MET: variants seen among roughly 807,000 people sequenced by gnomAD.
The protein encoded by MET is hepatocyte growth factor receptor.
In MET, 48 loss-of-function variants were observed where a neutral mutation model predicts 133.1. That is an observed-to-expected ratio of 0.36 (90% CI 0.29 to 0.46). MET has a LOEUF of 0.46. Ranked by LOEUF, MET falls within the 20% of genes least tolerant of loss-of-function variation. The pLI is 1.00. For missense variants in MET, 1,442 were observed against 1,695.9 expected (o/e 0.85, Z 2.63); for synonymous variants, 628 against 616.5 (o/e 1.02, Z -0.28).
rs183375652 is a variant in MET at position 116,741,735 on chromosome 7, A to G, written c.1701+710A>G. Reference sequence around the variant, plus strand: ...TCAACGGATGACTATACTAACATCTATACTTCTGTAAGCCATGCCACTCTT... The same window carrying G: ...TCAACGGATGACTATACTAACATCTGTACTTCTGTAAGCCATGCCACTCTT... On this transcript the variant is annotated intron_variant, in intron 5 of 20. Coordinates refer to ENST00000397752, the MANE Select transcript of MET (RefSeq NM_000245.4). 5.8e-4 allele frequency among the ~76,000 whole-genome samples: 89 copies of G among 152,358 alleles called. 1 individual carries two copies. Among genetic ancestry groups the G allele is most frequent in the African/African-American group, 2.0e-3 (84 of 41,590 alleles).
chr7:116,729,430 G>A (rs1469858336), intron 2 of MET, among the ~76,000 whole-genome samples: 2 of 152,130 alleles, frequency 1.3e-5, no homozygotes, highest in Non-Finnish European at 2.9e-5. Context: ...ATTGCATGTG[G>A]CAGACATTTG....
chr7:116,773,636 G>T (rs1036077780), intron 14 of MET, among the ~76,000 whole-genome samples: 1 of 152,132 alleles, frequency 6.6e-6, no homozygotes, highest in Non-Finnish European at 1.5e-5. Context: ...ACCCAGCTAG[G>T]CTCCTTCCTT....
intron 2 of MET, among the ~76,000 whole-genome samples, chr7:116,724,439 C>T (rs926437293): frequency 6.6e-6 from 1 of 152,260 alleles, no homozygotes; most frequent in Non-Finnish European, 1.5e-5. Flanking sequence ...CTGCGTCGCT[C>T]ACGCTGGGAG....
rs1355820389 is a variant in MET, at chr7:116,774,867, C to T, written c.3029-14C>T. On this transcript the variant is annotated splice_polypyrimidine_tract_variant and intron_variant, in intron 14 of 20. Transcript: ENST00000397752. ...TTTACTGTTGTTCTTTAATAATTTT[C>T]CTTCATCTTACAGATCAGTTTCCTA... 4 of 1,604,286 alleles carry T rather than the reference C, an allele frequency of 2.5e-6. No homozygotes were observed. In the South Asian group the frequency reaches 3.3e-5, roughly 13 times the overall value.
chr7:116,795,979 C>G lies in MET; in HGVS notation c.4028C>G (p.Thr1343Ser), dbSNP rs1795659339. ...LVSRISAIFSTFIGEHYVHVN... is the reference protein window; with the variant it reads ...LVSRISAIFSSFIGEHYVHVN... Reference sequence around the variant, plus strand: ...TCCCGGATATCAGCGATCTTCTCTACTTTCATTGGGGAGCACTATGTCCAT... The same window carrying G: ...TCCCGGATATCAGCGATCTTCTCTAGTTTCATTGGGGAGCACTATGTCCAT... The change falls in exon 21 of 21, where the codon ACT becomes AGT. Residue 1343 changes from threonine (T) to serine (S), a missense_variant. Thr to Ser is a moderately conservative substitution (Grantham distance 58, BLOSUM62 1). Around this residue, in one of 6 missense-constraint regions of MET, gnomAD observed 94 missense variants for 109.5 expected, o/e 0.86. Transcript: ENST00000397752. The G allele has an allele frequency of 6.2e-7, 1 of 1,614,166 alleles. No homozygotes were observed. The highest frequency in any genetic ancestry group is 8.5e-7 in the Non-Finnish European group (1 of 1,180,006).
At chr7:116,688,756 A>G (rs753291080) in intron 1 of MET, among the ~76,000 whole-genome samples, 2 of 152,210 alleles carry the variant, frequency 1.3e-5, no homozygotes, top group African/African-American at 4.8e-5. Context: ...TCAGAGTTGG[A>G]TAATAGTCTC....
At chr7:116,765,587 C>T (rs1455609129) in intron 11 of MET, among the ~76,000 whole-genome samples, 3 of 152,054 alleles carry the variant, frequency 2.0e-5, no homozygotes, top group African/African-American at 7.2e-5. Flanking sequence ...GAATCCTAAG[C>T]CCCATGGATG....
rs886061951 is a variant in MET at position 116,798,175 on chromosome 7, C to T, written c.*2051C>T. 6.1e-5 allele frequency: 13 copies of T among 214,374 alleles called. No homozygotes were observed. The highest frequency in any genetic ancestry group is 4.7e-5 in the Non-Finnish European group (5 of 105,870). 13.3% of individuals were successfully genotyped at this position (214,374 alleles called of 1,614,324 possible). On this transcript the variant is annotated 3_prime_UTR_variant, in exon 21 of 21. Transcript: ENST00000397752. ...AGGACTACACACTTGTATATACATTCTTGAGAACACTGCAATGTGAAAATC... is the reference window on the plus strand; with the variant it reads ...AGGACTACACACTTGTATATACATTTTTGAGAACACTGCAATGTGAAAATC...
intron 11 of MET, among the ~76,000 whole-genome samples, chr7:116,765,231 C>T (rs1170081826): frequency 1.6e-5 from 2 of 124,720 alleles, no homozygotes; most frequent in African/African-American, 3.1e-5. Flanking sequence ...GTCCTGAAGG[C>T]GGAGGTTGCA....
intron 5 of MET, among the ~76,000 whole-genome samples, chr7:116,746,430 G>C (rs1343588073): frequency 6.6e-6 from 1 of 152,166 alleles, no homozygotes; most frequent in Non-Finnish European, 1.5e-5. Flanking sequence ...CCATTACTGG[G>C]TATATACCCA....
In MET at chr7:116,699,774, G is replaced by T. The variant is rs200138253; in HGVS notation, c.690G>T (p.Thr230=). The change falls in exon 2 of 21, where the codon ACG becomes ACT. Residue 230 remains threonine (T), a synonymous_variant. Transcript: ENST00000397752. ...KETKDGFMFL[T]DQSYIDVLPE... ...CGAAAGATGGTTTTATGTTTTTGAC[G>T]GACCAGTCCTACATTGATGTTTTAC... 1 of 1,613,894 alleles carries T rather than the reference G, an allele frequency of 6.2e-7. No homozygotes were observed. The highest frequency in any genetic ancestry group is 1.3e-5 in the African/African-American group (1 of 74,882).
chr7:116,702,770 T>C (rs987747265), intron 2 of MET, among the ~76,000 whole-genome samples: 4 of 152,188 alleles, frequency 2.6e-5, no homozygotes, highest in Non-Finnish European at 5.9e-5. Flanking sequence ...TTTCTACTTA[T>C]GCTTCTGCCC....
intron 5 of MET, among the ~76,000 whole-genome samples, chr7:116,742,033 C>T (rs1007544555): frequency 7.9e-5 from 12 of 152,160 alleles, no homozygotes; most frequent in African/African-American, 2.2e-4. Context: ...CTGGTGAGAA[C>T]CCAGTGTGTA....
At position 116,763,298 on chromosome 7, in the gene MET, T is replaced by A. The variant is rs969188845; in HGVS notation, c.2583+30T>A. On this transcript the variant is annotated intron_variant, in intron 11 of 20. Transcript: ENST00000397752. Reference sequence around the variant, plus strand: ...GAAATGCTTTAAACACTGTCTTAAATCATCAGCTCAAACTTAATTGACTTC... The same window carrying A: ...GAAATGCTTTAAACACTGTCTTAAAACATCAGCTCAAACTTAATTGACTTC... 6 of 1,584,892 alleles carry A rather than the reference T, an allele frequency of 3.8e-6. No individual in the cohort carries two copies. The African/African-American group carries it at 8.1e-5, about 21-fold the overall frequency.
chr7:116,713,568 A>T (rs1444710732), intron 2 of MET, among the ~76,000 whole-genome samples: 2 of 151,492 alleles, frequency 1.3e-5, no homozygotes, highest in African/African-American at 2.4e-5. Flanking sequence ...GTGAGAACTG[A>T]GTAAGGGCCT....
intron 3 of MET, among the ~76,000 whole-genome samples, 184 bp from the exon 4 acceptor site, chr7:116,739,766 T>A (rs562472188): frequency 1.3e-3 from 203 of 152,282 alleles, no homozygotes; most frequent in African/African-American, 4.5e-3. Context: ...GTTCAGATAA[T>A]TTGGCTTCAA....
At chr7:116,717,927 G>A (rs1468932446) in intron 2 of MET, among the ~76,000 whole-genome samples, 2 of 151,850 alleles carry the variant, frequency 1.3e-5, no homozygotes, top group African/African-American at 4.8e-5. Flanking sequence ...GACTAAGTCA[G>A]GTAAAAAGAA....
Position 116,699,428 on chromosome 7 carries a change from A to G in MET, c.344A>G (p.Asn115Ser), listed in dbSNP as rs1584876493. ...TTATCAGGAGGTGTTTGGAAAGATA[A>G]CATCAACATGGCTCTAGTTGTCGAC... ...ANLSGGVWKD[N>S]INMALVVDTY... is the part of the protein sequence containing the mutation. Residue 115 changes from asparagine (N) to serine (S), a missense_variant, in exon 2 of 21, where the codon AAC (asparagine) becomes AGC (serine). Physicochemically the swap from Asn to Ser is conservative, Grantham distance 46. Transcript: ENST00000397752. 6.2e-7 allele frequency: 1 copy of G among 1,614,062 alleles called. No individual in the cohort carries two copies. Among genetic ancestry groups the G allele is most frequent in the Non-Finnish European group, 8.5e-7 (1 of 1,179,952 alleles).
chr7:116,752,815 G>A (rs967163037), intron 5 of MET, among the ~76,000 whole-genome samples: 5 of 152,118 alleles, frequency 3.3e-5, no homozygotes, highest in African/African-American at 7.2e-5. Flanking sequence ...ATAGAAAGAC[G>A]GGATGTAGGC....
Sources: gnomAD v4.1 joint callset for allele counts (sites outside exome capture counted in the v4.1 genomes callset) on GRCh38, gnomAD v4.1.1 for gene constraint, gnomAD v4.1.1 regional missense constraint, MANE v1.5 for transcripts, NCBI Gene and HGNC (gene_info 2026-07-23, HGNC 2026-07-21) for gene names.